The following CASP9 variants were observed in gnomAD, a reference collection of about 807,000 sequenced individuals.
CASP9 encodes caspase 9, also known as caspase-9.
A neutral mutation model predicts 43.5 loss-of-function variants in CASP9; 29 were observed. That is an observed-to-expected ratio of 0.67 (90% CI 0.50 to 0.91). The LOEUF is 0.91. Among genes scored for constraint, CASP9 ranks in the 40% least tolerant of loss-of-function variants. The pLI is 0.00. For synonymous variants in CASP9, 206 were observed against 211.9 expected (o/e 0.97, Z 0.24); for missense variants, 575 against 537.4 (o/e 1.07, Z -0.69).
intron 3 of CASP9, 141 bp from the exon 4 acceptor site, chr1:15,507,216 G>C: frequency 1.2e-6 from 1 of 833,896 alleles, no homozygotes. Context: ...GGGCAAAAGA[G>C]AAGCAACTGC....
At position 15,495,758 on chromosome 1, in the gene CASP9, A is replaced by G. The variant is rs528305022; in HGVS notation, c.869-306T>C. On this transcript the variant is annotated intron_variant, in intron 6 of 8. Coordinates refer to ENST00000333868, the MANE Select transcript of CASP9 (RefSeq NM_001229.5). ...GTTGTCTGATAAAATTCACCACGGC[A>G]ATGTAAATGGATAGCTTATCTTTAC... Among the ~76,000 whole-genome samples, 144 of 152,352 alleles carry G rather than the reference A, an allele frequency of 9.5e-4. 1 individual carries two copies. Among genetic ancestry groups the G allele is most frequent in the South Asian group, 7.0e-3 (34 of 4,824 alleles).
Position 15,519,292 on chromosome 1 carries a change from A to C in CASP9, c.133-897T>G, listed in dbSNP as rs1301612781. Among the ~76,000 whole-genome samples, 3 of 151,126 alleles carry C rather than the reference A, an allele frequency of 2.0e-5. No individual in the cohort carries two copies. In the East Asian group the frequency reaches 5.9e-4, roughly 30 times the overall value. ...CCTTTTGGGTACAAATGATTCTCCC[A>C]CATCAGCCTCCCAGGTAGCTGGGAC... On this transcript the variant is annotated intron_variant, in intron 1 of 8. Coordinates refer to ENST00000333868, the MANE Select transcript of CASP9 (RefSeq NM_001229.5).
At chr1:15,509,835 A>T (rs1460340976) in intron 2 of CASP9, among the ~76,000 whole-genome samples, 1 of 152,244 alleles carries the variant, frequency 6.6e-6, no homozygotes, top group East Asian at 1.9e-4. Context: ...CAGAATGAAT[A>T]AATGAATAAA....
chr1:15,523,466 C>T (rs1419830755), intron 1 of CASP9, among the ~76,000 whole-genome samples: 1 of 152,180 alleles, frequency 6.6e-6, no homozygotes, highest in Non-Finnish European at 1.5e-5. Flanking sequence ...CCTCCTTCCT[C>T]GCAAGTATTA....
chr1:15,508,353 T>C (rs1354745706), intron 2 of CASP9, among the ~76,000 whole-genome samples: 8 of 152,170 alleles, frequency 5.3e-5, no homozygotes, highest in African/African-American at 1.9e-4. Context: ...GGTAAAACAG[T>C]CCTCGGCAGA....
chr1:15,517,430 G>A (rs1709994514), intron 2 of CASP9, among the ~76,000 whole-genome samples: 1 of 152,152 alleles, frequency 6.6e-6, no homozygotes, highest in African/African-American at 2.4e-5. Context: ...GGGAAAGTGG[G>A]AAGAAATGGA....
Position 15,493,304 on chromosome 1 carries a change from C to T in CASP9, c.1159-269G>A, listed in dbSNP as rs530554633. On this transcript the variant is annotated intron_variant, in intron 8 of 8. Coordinates refer to ENST00000333868, the MANE Select transcript of CASP9 (RefSeq NM_001229.5). ...TGGCCCCAGCCTCGCAGCCCCTTCT[C>T]GTGGCATGAATACCTGAGCAGAGCA... The T allele has an allele frequency of 2.8e-5, 38 of 1,335,674 alleles. No homozygotes were observed. In the South Asian group the frequency reaches 3.7e-4, roughly 13 times the overall value. 82.7% of individuals were successfully genotyped at this position (1,335,674 alleles called of 1,614,324 possible).
chr1:15,516,890 C>G (rs1014554201), intron 2 of CASP9, among the ~76,000 whole-genome samples: 2 of 152,246 alleles, frequency 1.3e-5, no homozygotes, highest in Non-Finnish European at 2.9e-5. Context: ...CCTGTCTCCA[C>G]TCCTCACTAG....
chr1:15,514,968 G>A (rs565577827), intron 2 of CASP9, among the ~76,000 whole-genome samples: 2 of 152,048 alleles, frequency 1.3e-5, no homozygotes, highest in South Asian at 4.2e-4. Flanking sequence ...ACACACCACC[G>A]CACTCCACCC....
intron 2 of CASP9, among the ~76,000 whole-genome samples, chr1:15,513,160 C>CAAA (rs377408698): frequency 1.6e-5 from 1 of 63,776 alleles, no homozygotes; most frequent in Non-Finnish European, 3.8e-5. Flanking sequence ...GACTCCGTCT[C>CAAA]AAAAAAAAAA....
chr1:15,514,305 TTTCCTGTA>T (rs2103366312), intron 2 of CASP9, among the ~76,000 whole-genome samples: 1 of 152,340 alleles, frequency 6.6e-6, no homozygotes, highest in African/African-American at 2.4e-5. Flanking sequence ...TACAGCATCC[TTTCCTGTA>T]TTCACTTATT....
At position 15,510,944 on chromosome 1, in the gene CASP9, C is replaced by T. The variant is rs375143870; in HGVS notation, c.419-3037G>A. On this transcript the variant is annotated intron_variant, in intron 2 of 8. Coordinates refer to ENST00000333868, the MANE Select transcript of CASP9 (RefSeq NM_001229.5). ...GCCACCCAAGGGAAAGAAGGGGTTT[C>T]GTCCCTCCGAACCTATGCTGGAATC... 6.6e-5 allele frequency among the ~76,000 whole-genome samples: 10 copies of T among 152,276 alleles called. No individual in the cohort carries two copies. In the East Asian group the frequency reaches 1.4e-3, roughly 21 times the overall value.
intron 2 of CASP9, among the ~76,000 whole-genome samples, chr1:15,512,481 A>G (rs905803895): frequency 2.0e-5 from 3 of 152,130 alleles, no homozygotes; most frequent in Admixed American, 2.0e-4. Flanking sequence ...CTGGGACATC[A>G]GTCTTCTCCT....
intron 1 of CASP9, among the ~76,000 whole-genome samples, chr1:15,522,798 C>T (rs1383520392): frequency 6.6e-6 from 1 of 152,180 alleles, no homozygotes; most frequent in Non-Finnish European, 1.5e-5. Flanking sequence ...CAAAGGCTAT[C>T]CACTATGACG....
intron 2 of CASP9, among the ~76,000 whole-genome samples, chr1:15,512,637 G>T (rs867981511): frequency 2.6e-5 from 4 of 152,006 alleles, no homozygotes; most frequent in African/African-American, 9.7e-5. Context: ...GCATGAGCCT[G>T]TTCCTTGTAA....
At chr1:15,499,852 T>C (rs1227707399) in intron 6 of CASP9, among the ~76,000 whole-genome samples, 3 of 152,186 alleles carry the variant, frequency 2.0e-5, no homozygotes, top group African/African-American at 4.8e-5. Flanking sequence ...GCTTATAACA[T>C]TCTGAATTAT....
chr1:15,510,721 T>C (rs1478945309), intron 2 of CASP9, among the ~76,000 whole-genome samples: 2 of 152,010 alleles, frequency 1.3e-5, no homozygotes, highest in African/African-American at 2.4e-5. Context: ...GAGCATGGCA[T>C]GTTCAGGGCC....
chr1:15,524,346 A>C (rs1710356751), upstream of CASP9: 2 of 1,393,516 alleles, frequency 1.4e-6, no homozygotes, highest in African/African-American at 1.7e-5. Context: ...CCGCCTCCGG[A>C]CGCATCTCCA....
At chr1:15,509,549 C>T (rs1346802060) in intron 2 of CASP9, among the ~76,000 whole-genome samples, 3 of 150,638 alleles carry the variant, frequency 2.0e-5, no homozygotes, top group Non-Finnish European at 3.0e-5. Flanking sequence ...GCAGGAGAAT[C>T]GCTTGAACCT....
Sources: allele counts gnomAD v4.1 joint callset (sites outside exome capture counted in the v4.1 genomes callset), GRCh38; gene constraint gnomAD v4.1.1; transcripts MANE v1.5; gene names NCBI Gene and HGNC (gene_info 2026-07-23, HGNC 2026-07-21).